The following THSD4 variants were observed in gnomAD, a reference collection of about 807,000 sequenced individuals.
THSD4 encodes the protein thrombospondin type-1 domain-containing protein 4.
THSD4 carries 69 observed loss-of-function variants against 119.0 expected under a neutral mutation model. The ratio of observed to expected loss-of-function variants is 0.58; its 90% CI spans 0.48 to 0.71. The LOEUF (loss-of-function observed/expected upper bound fraction) is 0.71. THSD4 is among the 30% of genes least tolerant of loss of function. THSD4 has a pLI of 0.00. For missense variants in THSD4, 1,393 were observed against 1,391.1 expected (o/e 1.00, Z -0.02); for synonymous variants, 524 against 540.4 (o/e 0.97, Z 0.42).
At chr15:71,425,291 CA>C (rs2046853749) in intron 7 of THSD4, among the ~76,000 whole-genome samples, 1 of 152,180 alleles carries the variant, frequency 6.6e-6, no homozygotes, top group African/African-American at 2.4e-5. Flanking sequence ...GTAAATGCTA[CA>C]TAGGGTTTAT....
chr15:71,746,922 C>T lies in THSD4; in HGVS notation c.2121C>T (p.Tyr707=), dbSNP rs371624662. The change falls in exon 13 of 18, where the codon TAC becomes TAT. Residue 707 remains tyrosine (Y), a synonymous_variant. Coordinates refer to ENST00000261862, the MANE Select transcript of THSD4 (RefSeq NM_024817.3). ...GCCAGGTTCTGTGCCGCCAGGTGTA[C>T]GCCAACCGCAGCCTGACGGTGCAGC... The part of the protein sequence containing the change: ...QHRQVLCRQV[Y]ANRSLTVQPY... 119 of 1,613,820 alleles carry T rather than the reference C, an allele frequency of 7.4e-5. No individual in the cohort carries two copies. The highest frequency in any genetic ancestry group is 3.3e-4 in the Middle Eastern group (2 of 6,084).
intron 7 of THSD4, among the ~76,000 whole-genome samples, chr15:71,412,734 AC>A (rs548937539): frequency 6.6e-6 from 1 of 151,864 alleles, no homozygotes; most frequent in Admixed American, 6.6e-5. Flanking sequence ...AGCACAACCT[AC>A]CCCCCCACCA....
chr15:71,333,600 G>T (rs2045454844), intron 6 of THSD4, among the ~76,000 whole-genome samples: 1 of 152,138 alleles, frequency 6.6e-6, no homozygotes, highest in Non-Finnish European at 1.5e-5. Flanking sequence ...AGTGATCTTA[G>T]GGGACATTCC....
intron 6 of THSD4, among the ~76,000 whole-genome samples, chr15:71,360,269 C>G (rs2140418676): frequency 6.6e-6 from 1 of 152,292 alleles, no homozygotes; most frequent in Middle Eastern, 3.4e-3. Flanking sequence ...TTCCCCAGAA[C>G]AAGCATTCTA....
chr15:71,271,329 A>G (rs1053810381), intron 6 of THSD4, among the ~76,000 whole-genome samples: 1 of 152,240 alleles, frequency 6.6e-6, no homozygotes, highest in Non-Finnish European at 1.5e-5. Context: ...AAAATCCTGG[A>G]TGAATCTCAA....
intron 10 of THSD4, among the ~76,000 whole-genome samples, chr15:71,736,141 C>G (rs1331919670): frequency 7.4e-6 from 1 of 134,352 alleles, no homozygotes; most frequent in African/African-American, 2.6e-5. Context: ...CTCTTGCTCT[C>G]TCTCCGTCTC....
intron 5 of THSD4, among the ~76,000 whole-genome samples, chr15:71,250,438 A>G (rs565978693): frequency 5.3e-5 from 8 of 152,162 alleles, no homozygotes; most frequent in Non-Finnish European, 1.2e-4. Flanking sequence ...CCTGGACTCA[A>G]ACAATCCTTC....
In THSD4 at chr15:71,531,045, G is replaced by A. The variant is rs539590785; in HGVS notation, c.1152+119222G>A. On this transcript the variant is annotated intron_variant, in intron 7 of 17. Transcript: ENST00000261862. ...CTTCTATCAGAGACCTGAAGGAGTG[G>A]TCCTTGGCCAGGCAAAAGAAGGGAT... Among the ~76,000 whole-genome samples, 39 of 152,222 alleles carry A rather than the reference G, an allele frequency of 2.6e-4. No individual in the cohort carries two copies. In the South Asian group the frequency reaches 4.8e-3, roughly 19 times the overall value.
At chr15:71,753,574 C>T (rs1242590715) in intron 14 of THSD4, among the ~76,000 whole-genome samples, 2 of 152,188 alleles carry the variant, frequency 1.3e-5, no homozygotes, top group Non-Finnish European at 2.9e-5. Context: ...CCATGTGTTT[C>T]TGTGTTTTAT....
chr15:71,243,958 T>C lies in THSD4; in HGVS notation c.912+862T>C, dbSNP rs528667185. On this transcript the variant is annotated intron_variant, in intron 5 of 17. Coordinates refer to ENST00000261862, the MANE Select transcript of THSD4 (RefSeq NM_024817.3). ...CACCACTATACCCAGCTAATTTTTC[T>C]GTTTTTTTAGTAGAGACGGGGTTTC... Among the ~76,000 whole-genome samples the C allele has an allele frequency of 8.2e-4, 125 of 151,988 alleles. 1 individual carries two copies. Among genetic ancestry groups the C allele is most frequent in the African/African-American group, 2.9e-3 (121 of 41,466 alleles).
At chr15:71,270,528 A>T (rs567397672) in intron 6 of THSD4, among the ~76,000 whole-genome samples, 2 of 152,306 alleles carry the variant, frequency 1.3e-5, no homozygotes, top group South Asian at 2.1e-4. Flanking sequence ...CAATTACCCC[A>T]TCAGGTGGGA....
chr15:71,588,852 CAG>C lies in THSD4; in HGVS notation c.1153-71677_1153-71676del, dbSNP rs143558422. Among the ~76,000 whole-genome samples, 557 of 152,136 alleles carry C rather than the reference CAG, an allele frequency of 3.7e-3. 4 individuals carry two copies. Among genetic ancestry groups the C allele is most frequent in the African/African-American group, 0.013 (538 of 41,498 alleles). On this transcript the variant is annotated intron_variant, in intron 7 of 17. Transcript: ENST00000261862. ...AGTGGGAGAAAAAGAGTGTTGCAGT[CAG>C]GGGGCACAGTTTGAGCAAAGACAGG... is the stretch of plus-strand genomic sequence containing the variant.
At chr15:71,385,785 C>T (rs974790053) in intron 6 of THSD4, among the ~76,000 whole-genome samples, 6 of 152,168 alleles carry the variant, frequency 3.9e-5, no homozygotes, top group Non-Finnish European at 7.3e-5. Flanking sequence ...AATCACGTTT[C>T]GTTTAATTTA....
intron 4 of THSD4, among the ~76,000 whole-genome samples, chr15:71,220,147 G>A (rs1028721805): frequency 7.2e-5 from 11 of 152,170 alleles, no homozygotes; most frequent in African/African-American, 2.7e-4. Context: ...CTTTGGTGGT[G>A]GAGAAGGGCA....
chr15:71,375,847 T>G (rs1305417303), intron 6 of THSD4, among the ~76,000 whole-genome samples: 1 of 152,182 alleles, frequency 6.6e-6, no homozygotes, highest in Non-Finnish European at 1.5e-5. Context: ...TCAGAGGCTC[T>G]GGAGGAGGAC....
intron 7 of THSD4, among the ~76,000 whole-genome samples, chr15:71,649,199 G>GTCCCTTTCCTCTCTC (rs2140977304): frequency 6.6e-6 from 1 of 151,988 alleles, no homozygotes; most frequent in African/African-American, 2.4e-5. Context: ...TTTCCTCTCT[G>GTCCCTTTCCTCTCTC]TCCCTTTCCT....
At chr15:71,254,997 A>C (rs991646134) in intron 5 of THSD4, among the ~76,000 whole-genome samples, 1 of 152,152 alleles carries the variant, frequency 6.6e-6, no homozygotes, top group African/African-American at 2.4e-5. Flanking sequence ...AGCCTCCCCA[A>C]CTGCGACTGT....
chr15:71,413,829 C>T (rs956942135), intron 7 of THSD4, among the ~76,000 whole-genome samples: 1 of 152,232 alleles, frequency 6.6e-6, no homozygotes, highest in African/African-American at 2.4e-5. Context: ...CACACATCCT[C>T]TCTGAGCTTC....
At chr15:71,364,384 G>A (rs16955507) in intron 6 of THSD4, among the ~76,000 whole-genome samples, 11,251 of 152,276 alleles carry the variant, frequency 0.074, 663 homozygotes, top group African/African-American at 0.16. Flanking sequence ...CACTTTGCCT[G>A]GTGATAGCTG....
Sources: allele counts gnomAD v4.1 joint callset (sites outside exome capture counted in the v4.1 genomes callset), GRCh38; gene constraint gnomAD v4.1.1; transcripts MANE v1.5; gene names NCBI Gene and HGNC (gene_info 2026-07-23, HGNC 2026-07-21).